The following SH2D4B variants were observed in gnomAD, a reference collection of about 807,000 sequenced individuals.
SH2D4B encodes the protein SH2 domain-containing protein 4B.
SH2D4B carries 45 observed loss-of-function variants against 61.5 expected under a neutral mutation model. The observed-to-expected ratio is 0.73, with a 90% CI of 0.58 to 0.94. SH2D4B has a LOEUF of 0.94. SH2D4B is among the 40% of genes least tolerant of loss of function. The probability of loss-of-function intolerance (pLI) is 0.00; values close to 1 mark genes in which losing one functional copy is unlikely to be tolerated. For missense variants in SH2D4B, 572 were observed against 574.2 expected (o/e 1.00, Z 0.04); for synonymous variants, 224 against 220.4 (o/e 1.02, Z -0.14).
intron 1 of SH2D4B, among the ~76,000 whole-genome samples, chr10:80,560,299 T>A (rs1290100158): frequency 6.6e-6 from 1 of 152,030 alleles, no homozygotes; most frequent in East Asian, 1.9e-4. Flanking sequence ...ACCTTTTTTT[T>A]ATTTTTATTT....
intron 6 of SH2D4B, among the ~76,000 whole-genome samples, chr10:80,628,016 G>A (rs967354909): frequency 1.2e-4 from 18 of 152,168 alleles, no homozygotes; most frequent in African/African-American, 3.1e-4. Context: ...TCAAGGACTC[G>A]GACAGTATGC....
chr10:80,582,517 G>T (rs1027544090), intron 3 of SH2D4B, among the ~76,000 whole-genome samples: 1 of 152,136 alleles, frequency 6.6e-6, no homozygotes, highest in Non-Finnish European at 1.5e-5. Context: ...CTGGGGCCCA[G>T]GGTGACTTCA....
chr10:80,586,178 C>T (rs1161547287), intron 3 of SH2D4B, among the ~76,000 whole-genome samples: 2 of 152,164 alleles, frequency 1.3e-5, no homozygotes, highest in Non-Finnish European at 2.9e-5. Flanking sequence ...GGCTCCTGTG[C>T]CGCCGAGCCT....
At chr10:80,569,699 G>C (rs1340096888) in intron 1 of SH2D4B, among the ~76,000 whole-genome samples, 1 of 151,224 alleles carries the variant, frequency 6.6e-6, no homozygotes, top group Non-Finnish European at 1.5e-5. Flanking sequence ...TCTCCTGGGG[G>C]GTTCGTTTTG....
chr10:80,550,644 GTAAAT>G (rs1841748172), intron 1 of SH2D4B, among the ~76,000 whole-genome samples: 1 of 152,100 alleles, frequency 6.6e-6, no homozygotes, highest in African/African-American at 2.4e-5. Flanking sequence ...TAAGAAAGCT[GTAAAT>G]TAAACTATGA....
At chr10:80,545,022 T>C (rs1336934515) in intron 1 of SH2D4B, among the ~76,000 whole-genome samples, 1 of 152,212 alleles carries the variant, frequency 6.6e-6, no homozygotes. Flanking sequence ...ATCTCTCTCT[T>C]TCAAAACCTG....
At chr10:80,580,677 C>G (rs1467166286) in intron 3 of SH2D4B, among the ~76,000 whole-genome samples, 1 of 152,092 alleles carries the variant, frequency 6.6e-6, no homozygotes, top group Non-Finnish European at 1.5e-5. Flanking sequence ...CTTAGGGGGC[C>G]TAGGATTTTA....
In SH2D4B at chr10:80,603,749, C is replaced by T; in HGVS notation, c.814C>T (p.His272Tyr). ...TGAGCAGGAGGCAAGACTCTACCAC[C>T]ACCTCCCCGACCCGGGTCTGCCGCA... ...SHEQEARLYH[H>Y]LPDPGLPQPL... The change falls in exon 5 of 8, where the codon CAC (histidine) becomes TAC (tyrosine). Residue 272 changes from histidine (H) to tyrosine (Y), a missense_variant. By Grantham distance (83) the His-to-Tyr change is moderately conservative. Coordinates refer to ENST00000646907, the MANE Select transcript of SH2D4B (RefSeq NM_001388272.1). The T allele has an allele frequency of 6.2e-7, 1 of 1,613,042 alleles. No individual in the cohort carries two copies.
chr10:80,644,268 C>T lies in SH2D4B; in HGVS notation c.*183C>T, dbSNP rs113047549. 17 of 565,940 alleles carry T rather than the reference C, an allele frequency of 3.0e-5. No homozygotes were observed. Among genetic ancestry groups the T allele is most frequent in the African/African-American group, 5.6e-5 (3 of 53,098 alleles). 35.1% of individuals were successfully genotyped at this position (565,940 alleles called of 1,614,324 possible). ...GGGCTACTGGTCTCATCCCAGCGAT[C>T]GGGACAGAAATTGCTAATAGCTCAT... On this transcript the variant is annotated 3_prime_UTR_variant, in exon 8 of 8. Transcript: ENST00000646907.
intron 5 of SH2D4B, 72 bp downstream of exon 5, chr10:80,603,867 C>G: frequency 7.4e-7 from 1 of 1,355,758 alleles, no homozygotes; most frequent in South Asian, 1.3e-5. Flanking sequence ...CCGGGGTCCC[C>G]GTCCCGGGTC....
chr10:80,644,013 A>G lies in SH2D4B; in HGVS notation c.1230A>G (p.Ser410=), dbSNP rs1037045389. Residue 410 remains serine (S), a synonymous_variant, in exon 8 of 8, where the codon TCA becomes TCG. Coordinates refer to ENST00000646907, the MANE Select transcript of SH2D4B (RefSeq NM_001388272.1). ...TTTAGGAGGAAATTATCACTGTTTC[A>G]GGAGGAGAGTTACTTCAGGAACCCT... ...DFHKEEIITV[S]GGELLQEPCG... 8.7e-6 allele frequency: 14 copies of G among 1,613,552 alleles called. No individual in the cohort carries two copies. Among genetic ancestry groups the G allele is most frequent in the Non-Finnish European group, 1.2e-5 (14 of 1,179,830 alleles).
intron 5 of SH2D4B, among the ~76,000 whole-genome samples, chr10:80,606,222 T>C (rs940130467): frequency 2.6e-5 from 4 of 151,474 alleles, no homozygotes; most frequent in Non-Finnish European, 4.4e-5. Context: ...GAGTGAGGCT[T>C]TGGGCCAAGT....
At chr10:80,563,158 C>T (rs1697565934) in intron 1 of SH2D4B, among the ~76,000 whole-genome samples, 4 of 152,120 alleles carry the variant, frequency 2.6e-5, no homozygotes, top group Admixed American at 2.6e-4. Flanking sequence ...GCTTCGGCCT[C>T]CCAAAGTGCT....
At chr10:80,552,568 C>T (rs1841775903) in intron 1 of SH2D4B, among the ~76,000 whole-genome samples, 1 of 152,166 alleles carries the variant, frequency 6.6e-6, no homozygotes, top group Non-Finnish European at 1.5e-5. Context: ...GAAAGGCCAC[C>T]AGCTGCTTAT....
In SH2D4B at chr10:80,615,276, C is replaced by T. The variant is rs149196066; in HGVS notation, c.988+5725C>T. ...CATGGTTAGCCCTTTACAGGTGACC[C>T]CACTGAGGACCAGAGAGCTTGAGAA... On this transcript the variant is annotated intron_variant, in intron 6 of 7. Transcript: ENST00000646907. Among the ~76,000 whole-genome samples the T allele has an allele frequency of 2.9e-3, 448 of 152,348 alleles. 3 individuals are homozygous for T. Among genetic ancestry groups the T allele is most frequent in the African/African-American group, 0.01 (435 of 41,576 alleles).
intron 1 of SH2D4B, among the ~76,000 whole-genome samples, chr10:80,554,949 C>T (rs1046824184): frequency 1.5e-5 from 2 of 132,734 alleles, no homozygotes; most frequent in African/African-American, 5.9e-5. Flanking sequence ...GCGGAGGTTG[C>T]AGTGAGCCGA....
At chr10:80,559,177 G>A (rs1841873987) in intron 1 of SH2D4B, among the ~76,000 whole-genome samples, 1 of 151,710 alleles carries the variant, frequency 6.6e-6, no homozygotes, top group Non-Finnish European at 1.5e-5. Flanking sequence ...ACTAATCTTA[G>A]CTTTTGTCTT....
chr10:80,588,911 T>C, intron 4 of SH2D4B, 134 bp downstream of exon 4: 1 of 1,017,312 alleles, frequency 9.8e-7, no homozygotes, highest in Admixed American at 2.2e-5. Flanking sequence ...CCCGGCCATG[T>C]GCTCAGTCCT....
chr10:80,596,741 T>A (rs1842389215), intron 4 of SH2D4B, among the ~76,000 whole-genome samples: 1 of 152,168 alleles, frequency 6.6e-6, no homozygotes, highest in African/African-American at 2.4e-5. Context: ...AATAACAGAA[T>A]AAAGGCAGAT....
Sources: allele counts gnomAD v4.1 joint callset (sites outside exome capture counted in the v4.1 genomes callset), GRCh38; gene constraint gnomAD v4.1.1; transcripts MANE v1.5; gene names NCBI Gene and HGNC (gene_info 2026-07-23, HGNC 2026-07-21).